Variants in TMEM144 observed in about 807,000 individuals in gnomAD.
TMEM144 encodes transmembrane protein 144.
In TMEM144, 39 loss-of-function variants were observed where a neutral mutation model predicts 43.6. That is an observed-to-expected ratio of 0.90 (90% CI 0.69 to 1.17). The LOEUF (loss-of-function observed/expected upper bound fraction) is 1.17, where lower values mean the gene tolerates loss of function less well. Among genes scored for constraint, TMEM144 ranks in the 50% most tolerant of loss-of-function variants. The probability of loss-of-function intolerance (pLI) is 0.00; values close to 1 mark genes in which losing one functional copy is unlikely to be tolerated. For synonymous variants in TMEM144, 154 were observed against 133.6 expected, an observed-to-expected ratio of 1.15 and a Z score of -1.06; for missense variants, 417 against 411.9, an observed-to-expected ratio of 1.01 and a Z score of -0.11.
At chr4:158,214,995 A>G (rs1297758064) in intron 3 of TMEM144, among the ~76,000 whole-genome samples, 196 bp from the exon 4 acceptor site, 1 of 152,192 alleles carries the variant, frequency 6.6e-6, no homozygotes, top group Non-Finnish European at 1.5e-5. Flanking sequence ...TGCTTAATTG[A>G]AGATTCATTT....
At chr4:158,221,851 C>T (rs1734524402) in intron 6 of TMEM144, among the ~76,000 whole-genome samples, 1 of 152,158 alleles carries the variant, frequency 6.6e-6, no homozygotes, top group South Asian at 2.1e-4. Context: ...TCTGAGATAA[C>T]ACACAGAAGG....
chr4:158,252,848 C>T (rs534166045), intron 12 of TMEM144, among the ~76,000 whole-genome samples: 4 of 151,756 alleles, frequency 2.6e-5, no homozygotes, highest in South Asian at 4.2e-4. Context: ...AAATAGAACC[C>T]AAAGCATAAC....
Position 158,253,559 on chromosome 4 carries a change from T to C in TMEM144, c.*32T>C. On this transcript the variant is annotated 3_prime_UTR_variant, in exon 13 of 13. Coordinates refer to ENST00000296529, the MANE Select transcript of TMEM144 (RefSeq NM_018342.5). ...CAAAACCAGCAGGTGGCAGCAGTAG[T>C]TAAGAGAACGCGTCTATCGGACAGC... The C allele has an allele frequency of 6.5e-7, 1 of 1,548,876 alleles. No individual in the cohort carries two copies. The highest frequency in any genetic ancestry group is 8.9e-7 in the Non-Finnish European group (1 of 1,122,472).
At position 158,212,760 on chromosome 4, in the gene TMEM144, A is replaced by G; in HGVS notation, c.93A>G (p.Lys31=). 3.1e-6 allele frequency: 5 copies of G among 1,612,208 alleles called. No individual in the cohort carries two copies. The highest frequency in any genetic ancestry group is 4.2e-6 in the Non-Finnish European group (5 of 1,178,364). The part of the protein sequence containing the change: ...LFGSNFVPLK[K]FDTGDGMFLQ... ...GCTCAAATTTTGTGCCACTTAAAAA[A>G]TTTGATACTGGTGATGGTAATTATT... is the stretch of plus-strand genomic sequence containing the variant. Residue 31 remains lysine (K), a synonymous_variant, in exon 3 of 13, where the codon AAA becomes AAG. Transcript: ENST00000296529.
rs1336634589 is a variant in TMEM144, at chr4:158,212,738, C to T, written c.71C>T (p.Ser24Leu). The T allele has an allele frequency of 6.2e-7, 1 of 1,613,804 alleles. No homozygotes were observed. Among genetic ancestry groups the T allele is most frequent in the Non-Finnish European group, 8.5e-7 (1 of 1,179,870 alleles). ...SCFVAILLFG[S>L]NFVPLKKFDT... ...TTTGTAGCTATCCTTTTGTTTGGCT[C>T]AAATTTTGTGCCACTTAAAAAATTT... The change falls in exon 3 of 13, where the codon TCA becomes TTA. Residue 24 changes from serine to leucine, a missense_variant. By Grantham distance (145) the Ser-to-Leu change is moderately radical. Transcript: ENST00000296529.
At chr4:158,225,851 T>G (rs1330819450) in intron 6 of TMEM144, among the ~76,000 whole-genome samples, 3 of 152,358 alleles carry the variant, frequency 2.0e-5, no homozygotes, top group African/African-American at 7.2e-5. Context: ...TGTTGGGAGA[T>G]GGAAGCTGGA....
intron 8 of TMEM144, 119 bp downstream of exon 8, chr4:158,235,624 A>T: frequency 9.5e-7 from 1 of 1,047,318 alleles, no homozygotes; most frequent in Non-Finnish European, 1.3e-6. Flanking sequence ...GCAAGCTTTG[A>T]CTTCTATCTC....
At position 158,215,240 on chromosome 4, in the gene TMEM144, G is replaced by T. The variant is rs767360988; in HGVS notation, c.159G>T (p.Leu53Phe). The change falls in exon 4 of 13, where the codon TTG (leucine) becomes TTT (phenylalanine). Residue 53 changes from leucine (L) to phenylalanine (F), a missense_variant. Coordinates refer to ENST00000296529, the MANE Select transcript of TMEM144 (RefSeq NM_018342.5). ...VLCAAIWLVALVVNLILHCPK... is the reference protein window; with the variant it reads ...VLCAAIWLVAFVVNLILHCPK... Reference sequence around the variant, plus strand: ...GTGCTGCCATATGGTTGGTTGCCTTGGTTGTCAATCTGATATTACATTGTC... The same window carrying T: ...GTGCTGCCATATGGTTGGTTGCCTTTGTTGTCAATCTGATATTACATTGTC... 6.2e-7 allele frequency: 1 copy of T among 1,613,790 alleles called. No individual in the cohort carries two copies. Among genetic ancestry groups the T allele is most frequent in the Non-Finnish European group, 8.5e-7 (1 of 1,179,792 alleles).
chr4:158,234,540 CAAAA>C (rs796557173), intron 7 of TMEM144: 1 of 132,516 alleles, frequency 7.5e-6, no homozygotes, highest in Non-Finnish European at 1.6e-5. Context: ...AACTCCATCT[CAAAA>C]AAAAAAAACC....
At position 158,247,293 on chromosome 4, in the gene TMEM144, T is replaced by C. The variant is rs111393869; in HGVS notation, c.954+2944T>C. 5.6e-3 allele frequency among the ~76,000 whole-genome samples: 853 copies of C among 152,084 alleles called. 11 individuals carry two copies. The highest frequency in any genetic ancestry group is 0.02 in the African/African-American group (818 of 41,558). On this transcript the variant is annotated intron_variant, in intron 12 of 12. Coordinates refer to ENST00000296529, the MANE Select transcript of TMEM144 (RefSeq NM_018342.5). ...TTTCATGAAACATAAGAGTTCTCCA[T>C]ATATTGGAAGTCAAGGATTTCTCCA... is the stretch of plus-strand genomic sequence containing the variant.
rs374955591 is a variant in TMEM144, at chr4:158,223,616, C to T, written c.413+4226C>T. ...TGTGTTGTTCCCCTCCCTGTGTCCA[C>T]GTATTCTCACTGTTTAACTCCAACT... is the stretch of plus-strand genomic sequence containing the variant. On this transcript the variant is annotated intron_variant, in intron 6 of 12. Transcript: ENST00000296529. Among the ~76,000 whole-genome samples the T allele has an allele frequency of 3.6e-3, 551 of 152,228 alleles. 2 individuals are homozygous for T. Among genetic ancestry groups the T allele is most frequent in the Non-Finnish European group, 6.3e-3 (431 of 68,016 alleles).
rs964833976 is a variant in TMEM144 at position 158,254,490 on chromosome 4, G to A, written c.*963G>A. 2 of 148,346 alleles carry A rather than the reference G, an allele frequency of 1.3e-5. No individual in the cohort carries two copies. The highest frequency in any genetic ancestry group is 6.8e-5 in the Admixed American group (1 of 14,696). 9.2% of individuals were successfully genotyped at this position (148,346 alleles called of 1,614,324 possible). On this transcript the variant is annotated 3_prime_UTR_variant, in exon 13 of 13. Transcript: ENST00000296529. Reference sequence around the variant, plus strand: ...AACTGAAATTAAGCCAGGCAGGGTGGCGCACTACTATAATCCCAGCTGCTG... The same window carrying A: ...AACTGAAATTAAGCCAGGCAGGGTGACGCACTACTATAATCCCAGCTGCTG...
intron 4 of TMEM144, among the ~76,000 whole-genome samples, chr4:158,217,054 T>C (rs77293414): frequency 6.6e-6 from 1 of 152,160 alleles, no homozygotes; most frequent in South Asian, 2.1e-4. Context: ...TAGAGAGCTA[T>C]GCTAAGGGAG....
At chr4:158,232,833 TAAAAA>T in intron 6 of TMEM144, 63 bp from the exon 7 acceptor site, 1 of 1,121,192 alleles carries the variant, frequency 8.9e-7, no homozygotes, top group Admixed American at 2.3e-5. Flanking sequence ...GTTTTTTTCT[TAAAAA>T]TCAAGCAGCT....
intron 9 of TMEM144, among the ~76,000 whole-genome samples, chr4:158,239,888 GTT>G (rs777121804): frequency 5.0e-5 from 7 of 139,388 alleles, no homozygotes; most frequent in Admixed American, 7.2e-5. Flanking sequence ...AATTAATGGG[GTT>G]TTTTTTTTTT....
chr4:158,215,393 C>A, intron 4 of TMEM144, 80 bp downstream of exon 4: 1 of 1,506,036 alleles, frequency 6.6e-7, no homozygotes, highest in Non-Finnish European at 9.0e-7. Flanking sequence ...GAGGAAATAG[C>A]GCAAACAGTG....
At chr4:158,210,722 C>T (rs1733916014) in intron 1 of TMEM144, 136 bp downstream of exon 1, 1 of 152,142 alleles carries the variant, frequency 6.6e-6, no homozygotes, top group African/African-American at 2.4e-5. Flanking sequence ...AATTTTAGCC[C>T]AAAGACAGGC....
chr4:158,237,187 A>T (rs2111136637), intron 8 of TMEM144: 1 of 182,046 alleles, frequency 5.5e-6, no homozygotes. Flanking sequence ...TCTCAATTTA[A>T]TTAGAGTGCC....
At chr4:158,229,485 G>A (rs115605692) in intron 6 of TMEM144, among the ~76,000 whole-genome samples, 15 of 152,190 alleles carry the variant, frequency 9.9e-5, no homozygotes, top group African/African-American at 3.4e-4. Flanking sequence ...GGTGGCATGG[G>A]GAACAGGACC....
Sources: allele counts gnomAD v4.1 joint callset (sites outside exome capture counted in the v4.1 genomes callset), GRCh38; gene constraint gnomAD v4.1.1; transcripts MANE v1.5; gene names NCBI Gene and HGNC (gene_info 2026-07-23, HGNC 2026-07-21).